Variants in LRIG1 observed in about 807,000 individuals in gnomAD.
The protein encoded by LRIG1 is leucine-rich repeats and immunoglobulin-like domains protein 1.
In LRIG1, 48 loss-of-function variants were observed where a neutral mutation model predicts 99.2. The observed-to-expected ratio is 0.48, with a 90% CI of 0.38 to 0.62. The LOEUF (loss-of-function observed/expected upper bound fraction) is 0.62, where lower values mean the gene tolerates loss of function less well. Among genes scored for constraint, LRIG1 ranks in the 20% least tolerant of loss-of-function variants. The pLI, the probability that LRIG1 is intolerant of heterozygous loss-of-function variation, is 0.00. For synonymous variants in LRIG1, 772 were observed against 596.1 expected (o/e 1.29, Z -4.30); for missense variants, 1,646 against 1,434.4 (o/e 1.15, Z -2.38).
chr3:66,426,884 A>C (rs1490184025), intron 3 of LRIG1, among the ~76,000 whole-genome samples: 1 of 152,196 alleles, frequency 6.6e-6, no homozygotes, highest in Non-Finnish European at 1.5e-5. Context: ...ACAGTGATTC[A>C]CAAAGTCCAC....
rs1202626799 is a variant in LRIG1, at chr3:66,383,226, C to G, written c.2247G>C (p.Val749=). The change falls in exon 15 of 19, where the codon GTG becomes GTC. Residue 749 remains valine, a synonymous_variant. Coordinates refer to ENST00000273261, the MANE Select transcript of LRIG1 (RefSeq NM_015541.3). ...HHLTPDNQLL[V]VQNVVAEDAG... ...CATCCTCTGCCACCACGTTCTGAACCACCAGGAGCTGGTTGTCAGGGGTCA... is the reference window on the plus strand; with the variant it reads ...CATCCTCTGCCACCACGTTCTGAACGACCAGGAGCTGGTTGTCAGGGGTCA... The G allele has an allele frequency of 6.2e-7, 1 of 1,614,238 alleles. No individual in the cohort carries two copies. Among genetic ancestry groups the G allele is most frequent in the Non-Finnish European group, 8.5e-7 (1 of 1,180,032 alleles).
chr3:66,414,819 T>C (rs959010273), intron 5 of LRIG1, 101 bp downstream of exon 5: 39 of 1,188,790 alleles, frequency 3.3e-5, no homozygotes, highest in Non-Finnish European at 4.1e-5. Flanking sequence ...CTTTACCAAA[T>C]GGAGCAAGGA....
At chr3:66,490,642 AT>A (rs1310827242) in intron 1 of LRIG1, among the ~76,000 whole-genome samples, 1 of 15,748 alleles carries the variant, frequency 6.4e-5, no homozygotes, top group African/African-American at 7.8e-5. Context: ...CTGCCCCATA[AT>A]TTAAAAAAAA....
chr3:66,459,906 G>A (rs1314982572), intron 2 of LRIG1, among the ~76,000 whole-genome samples: 3 of 152,072 alleles, frequency 2.0e-5, no homozygotes, highest in Admixed American at 2.0e-4. Context: ...AAGCCATCCT[G>A]GAACTGAAGG....
Position 66,497,703 on chromosome 3 carries a change from A to AC in LRIG1, c.218+2486dup, listed in dbSNP as rs563219295. Among the ~76,000 whole-genome samples, 21 of 122,084 alleles carry AC rather than the reference A, an allele frequency of 1.7e-4. 1 individual carries two copies. The highest frequency in any genetic ancestry group is 5.7e-4 in the African/African-American group (20 of 35,286). The allele number at this position is 122,084 out of a possible 152,430, so 80.1% of individuals were successfully genotyped here. On this transcript the variant is annotated intron_variant, in intron 1 of 18. Coordinates refer to ENST00000273261, the MANE Select transcript of LRIG1 (RefSeq NM_015541.3). ...AACTTCCACATCAGACGCACTGTTT[A>AC]CAAAAAAAAAAAAAAAAAAAAAAAA...
chr3:66,399,861 A>C (rs1701993436), intron 9 of LRIG1, among the ~76,000 whole-genome samples: 1 of 152,240 alleles, frequency 6.6e-6, no homozygotes, highest in Non-Finnish European at 1.5e-5. Flanking sequence ...AGAAGAGGAC[A>C]GTAAAATAGG....
At chr3:66,389,639 T>C (rs1392130712) in intron 12 of LRIG1, among the ~76,000 whole-genome samples, 1 of 152,068 alleles carries the variant, frequency 6.6e-6, no homozygotes, top group Non-Finnish European at 1.5e-5. Flanking sequence ...AAATGATAAA[T>C]ACATATATAC....
At chr3:66,439,257 T>C (rs569739340) in intron 3 of LRIG1, among the ~76,000 whole-genome samples, 1 of 152,362 alleles carries the variant, frequency 6.6e-6, no homozygotes, top group South Asian at 2.1e-4. Flanking sequence ...CTCATTCCGA[T>C]TGAGAAGAAC....
At chr3:66,401,909 A>C (rs1702070541) in intron 9 of LRIG1, among the ~76,000 whole-genome samples, 1 of 152,172 alleles carries the variant, frequency 6.6e-6, no homozygotes, top group Non-Finnish European at 1.5e-5. Flanking sequence ...AGTGGCAGGT[A>C]CTGGGGGCAA....
At chr3:66,389,332 C>G (rs1392801526) in intron 12 of LRIG1, among the ~76,000 whole-genome samples, 2 of 151,706 alleles carry the variant, frequency 1.3e-5, no homozygotes, top group African/African-American at 4.8e-5. Context: ...AAAGATAGGA[C>G]ACATAGAAGA....
chr3:66,386,398 C>G, intron 12 of LRIG1, 97 bp from the exon 13 acceptor site: 1 of 1,053,154 alleles, frequency 9.5e-7, no homozygotes, highest in African/African-American at 1.6e-5. Flanking sequence ...AGACACCAAG[C>G]AGGAACCAGA....
intron 3 of LRIG1, among the ~76,000 whole-genome samples, chr3:66,448,541 G>T (rs1703798051): frequency 7.1e-6 from 1 of 140,032 alleles, no homozygotes; most frequent in Non-Finnish European, 1.6e-5. Flanking sequence ...CACAAGCTTC[G>T]AGGGTACTTC....
At chr3:66,453,831 C>A (rs914443601) in intron 2 of LRIG1, among the ~76,000 whole-genome samples, 1 of 152,182 alleles carries the variant, frequency 6.6e-6, no homozygotes, top group East Asian at 1.9e-4. Flanking sequence ...TGAAACAAAG[C>A]GTATGGACTT....
At chr3:66,441,957 G>A (rs76516793) in intron 3 of LRIG1, among the ~76,000 whole-genome samples, 1,959 of 152,292 alleles carry the variant, frequency 0.013, 21 homozygotes, top group Non-Finnish European at 0.021. Context: ...CTGCAGAGGT[G>A]ACACAGTAAG....
intron 3 of LRIG1, among the ~76,000 whole-genome samples, chr3:66,428,699 C>G (rs540901782): frequency 7.2e-5 from 11 of 152,332 alleles, no homozygotes; most frequent in East Asian, 3.9e-4. Context: ...CCATTTCCCT[C>G]TAGCCTGCTT....
chr3:66,383,105 C>T lies in LRIG1; in HGVS notation c.2368G>A (p.Gly790Arg), dbSNP rs200572178. Residue 790 changes from glycine to arginine, a missense_variant, in exon 15 of 19, where the codon GGG (glycine) becomes AGG (arginine). Coordinates refer to ENST00000273261, the MANE Select transcript of LRIG1 (RefSeq NM_015541.3). Reference sequence around the variant, plus strand: ...ATGGTGAAGATGCCTACCGTGGTCCCATCCTTCCTGCAGCCTGCTGCGGGC... The same window carrying T: ...ATGGTGAAGATGCCTACCGTGGTCCTATCCTTCCTGCAGCCTGCTGCGGGC... ...VLPAAGCRKD[G>R]TTVGIFTIAV... is the part of the protein sequence containing the mutation. 339 of 1,614,140 alleles carry T rather than the reference C, an allele frequency of 2.1e-4. No individual in the cohort carries two copies. The highest frequency in any genetic ancestry group is 2.3e-4 in the Non-Finnish European group (267 of 1,180,056).
intron 3 of LRIG1, among the ~76,000 whole-genome samples, chr3:66,435,229 A>G (rs1373525570): frequency 6.6e-6 from 1 of 152,166 alleles, no homozygotes; most frequent in African/African-American, 2.4e-5. Flanking sequence ...AAAACTCTAA[A>G]TGAAAAAACT....
chr3:66,415,718 G>A lies in LRIG1; in HGVS notation c.504-655C>T, dbSNP rs535926342. 2.5e-4 allele frequency among the ~76,000 whole-genome samples: 38 copies of A among 152,280 alleles called. 1 individual carries two copies. The South Asian group carries it at 7.7e-3, about 31-fold the overall frequency. ...GTGACAATACAAAAAGGCAGACACC[G>A]CTTCTCAAAAGGCACAGAAGTCTGC... On this transcript the variant is annotated intron_variant, in intron 4 of 18. Transcript: ENST00000273261.
intron 3 of LRIG1, among the ~76,000 whole-genome samples, chr3:66,434,168 GT>G (rs1192957672): frequency 6.6e-6 from 1 of 152,168 alleles, no homozygotes; most frequent in Non-Finnish European, 1.5e-5. Flanking sequence ...TTGAGAGAAA[GT>G]ATTTACAAAT....
Sources: allele counts gnomAD v4.1 joint callset (sites outside exome capture counted in the v4.1 genomes callset), GRCh38; gene constraint gnomAD v4.1.1; transcripts MANE v1.5; gene names NCBI Gene and HGNC (gene_info 2026-07-23, HGNC 2026-07-21).